Variants in MRPS28 observed in about 807,000 individuals in gnomAD.
MRPS28 encodes mitochondrial ribosomal protein S28.
A neutral mutation model predicts 10.8 loss-of-function variants in MRPS28; 7 were observed. The ratio of observed to expected loss-of-function variants is 0.65; its 90% confidence interval spans 0.37 to 1.22. MRPS28 has a LOEUF of 1.22. Among genes scored for constraint, MRPS28 ranks in the 50% most tolerant of loss-of-function variants. The pLI is 0.02. For missense variants in MRPS28, 265 were observed against 232.9 expected (o/e 1.14, Z -0.90); for synonymous variants, 121 against 93.3 (o/e 1.30, Z -1.71).
intron 2 of MRPS28, among the ~76,000 whole-genome samples, chr8:79,980,668 T>C (rs1361281389): frequency 6.6e-6 from 1 of 152,138 alleles, no homozygotes; most frequent in East Asian, 1.9e-4. Context: ...ACCCTACCAA[T>C]AGGTAAATGA....
intron 2 of MRPS28, among the ~76,000 whole-genome samples, chr8:79,991,918 C>G (rs1470871871): frequency 8.3e-4 from 7 of 8,474 alleles, no homozygotes; most frequent in Admixed American, 6.1e-3. Flanking sequence ...TGCTCTCTCT[C>G]TCTCTCTCTC....
intron 2 of MRPS28, among the ~76,000 whole-genome samples, chr8:79,934,679 C>T (rs367966599): frequency 2.0e-5 from 3 of 152,268 alleles, no homozygotes. Flanking sequence ...TTAAACATTT[C>T]ACAACATAGT....
chr8:79,956,892 AT>A (rs1163630744), intron 2 of MRPS28: 1 of 152,142 alleles, frequency 6.6e-6, no homozygotes, highest in Non-Finnish European at 1.5e-5. Flanking sequence ...AATGAGATTA[AT>A]TAACACATGA....
At chr8:79,956,086 T>A (rs973969743) in intron 2 of MRPS28, among the ~76,000 whole-genome samples, 3 of 152,118 alleles carry the variant, frequency 2.0e-5, no homozygotes, top group African/African-American at 4.8e-5. Context: ...TTTATTTTTT[T>A]AAATTTTCTT....
At chr8:79,980,434 GA>G (rs1311039958) in intron 2 of MRPS28, among the ~76,000 whole-genome samples, 1 of 152,178 alleles carries the variant, frequency 6.6e-6, no homozygotes, top group East Asian at 1.9e-4. Context: ...ATGAAGACAA[GA>G]ACAGGCAGAA....
intron 2 of MRPS28, among the ~76,000 whole-genome samples, chr8:79,962,290 G>A (rs529621820): frequency 6.6e-6 from 1 of 152,176 alleles, no homozygotes; most frequent in African/African-American, 2.4e-5. Flanking sequence ...CAGGAGCCCA[G>A]TGCAACCACC....
chr8:80,009,549 G>C (rs912406181), intron 1 of MRPS28, among the ~76,000 whole-genome samples: 5 of 152,108 alleles, frequency 3.3e-5, no homozygotes, highest in Non-Finnish European at 7.4e-5. Flanking sequence ...TCAGGAGGCA[G>C]AGGTTACGGT....
chr8:79,935,390 T>C (rs760939757), intron 2 of MRPS28, among the ~76,000 whole-genome samples: 21 of 152,194 alleles, frequency 1.4e-4, no homozygotes, highest in African/African-American at 2.2e-4. Flanking sequence ...GACAATAAAC[T>C]GTGTGATTGC....
chr8:79,979,719 A>G (rs1807900259), intron 2 of MRPS28, among the ~76,000 whole-genome samples: 1 of 151,360 alleles, frequency 6.6e-6, no homozygotes, highest in South Asian at 2.1e-4. Context: ...CCTTATGAAA[A>G]CTACCTGCCC....
At chr8:80,004,816 G>A (rs888803668) in intron 1 of MRPS28, among the ~76,000 whole-genome samples, 7 of 152,168 alleles carry the variant, frequency 4.6e-5, no homozygotes, top group Non-Finnish European at 7.3e-5. Flanking sequence ...TGAAAACCAC[G>A]GCACAAGAAC....
chr8:79,990,215 G>C (rs552208294), intron 2 of MRPS28, among the ~76,000 whole-genome samples: 19 of 152,104 alleles, frequency 1.2e-4, no homozygotes, highest in Non-Finnish European at 2.4e-4. Context: ...CAGAACTCCT[G>C]CCCTTTGAAC....
intron 2 of MRPS28, among the ~76,000 whole-genome samples, chr8:79,966,278 T>C (rs1807500434): frequency 6.6e-6 from 1 of 151,924 alleles, no homozygotes; most frequent in African/African-American, 2.4e-5. Context: ...CAATATATAA[T>C]AAAAAGCAGA....
chr8:79,939,358 T>C (rs1350853195), intron 2 of MRPS28, among the ~76,000 whole-genome samples: 1 of 152,202 alleles, frequency 6.6e-6, no homozygotes, highest in African/African-American at 2.4e-5. Context: ...CATAGTAGTT[T>C]TAAAGCAGAA....
Position 80,003,151 on chromosome 8 carries a change from T to G in MRPS28, c.243A>C (p.Ala81=). 6.3e-7 allele frequency: 1 copy of G among 1,592,960 alleles called. No homozygotes were observed. The highest frequency in any genetic ancestry group is 8.5e-7 in the Non-Finnish European group (1 of 1,174,478). The change falls in exon 2 of 3, where the codon GCA becomes GCC. Residue 81 remains alanine, a synonymous_variant. Transcript: ENST00000276585. ...KGSPKNVESF[A]SMLRHSPLTQ... is the part of the protein sequence containing the mutation. ...TAAGAGGAGAATGTCTCAGCATAGATGCAAAGGATTCCACATTTTTTGGAG... is the reference window on the plus strand; with the variant it reads ...TAAGAGGAGAATGTCTCAGCATAGAGGCAAAGGATTCCACATTTTTTGGAG...
At chr8:79,952,533 C>T (rs1339684930) in intron 2 of MRPS28, among the ~76,000 whole-genome samples, 2 of 152,134 alleles carry the variant, frequency 1.3e-5, no homozygotes, top group Non-Finnish European at 2.9e-5. Flanking sequence ...TTATCAAAAC[C>T]TATGCCCCTC....
intron 2 of MRPS28, among the ~76,000 whole-genome samples, chr8:79,919,368 T>C (rs1296417902): frequency 3.4e-5 from 5 of 148,332 alleles, no homozygotes; most frequent in African/African-American, 1.2e-4. Flanking sequence ...AAAAAAAGAG[T>C]TTCACTCTGT....
At chr8:79,921,373 C>T (rs1382151603) in intron 2 of MRPS28, among the ~76,000 whole-genome samples, 3 of 152,082 alleles carry the variant, frequency 2.0e-5, no homozygotes, top group Admixed American at 2.0e-4. Flanking sequence ...CTATAAATTA[C>T]CTTGGGCAGT....
intron 2 of MRPS28, among the ~76,000 whole-genome samples, chr8:79,962,464 G>A (rs918104117): frequency 7.2e-5 from 11 of 152,056 alleles, no homozygotes; most frequent in Admixed American, 7.2e-4. Context: ...GAAAGATAAC[G>A]CCTCCAAACA....
At chr8:79,982,759 G>T (rs571430452) in intron 2 of MRPS28, among the ~76,000 whole-genome samples, 2 of 152,200 alleles carry the variant, frequency 1.3e-5, no homozygotes, top group East Asian at 1.9e-4. Flanking sequence ...CAAAGCAGCC[G>T]GGAAGCTCGA....
Sources: allele counts gnomAD v4.1 joint callset (sites outside exome capture counted in the v4.1 genomes callset), GRCh38; gene constraint gnomAD v4.1.1; transcripts MANE v1.5; gene names NCBI Gene and HGNC (gene_info 2026-07-23, HGNC 2026-07-21).